The following UBE2Q2 variants were observed in gnomAD, a reference collection of about 807,000 sequenced individuals.
UBE2Q2 encodes the protein ubiquitin-conjugating enzyme E2 Q2.
A neutral mutation model predicts 59.9 loss-of-function variants in UBE2Q2; 54 were observed. That is an observed-to-expected ratio of 0.90 (90% CI 0.72 to 1.13). UBE2Q2 has a LOEUF of 1.13. Among genes scored for constraint, UBE2Q2 ranks in the 50% most tolerant of loss-of-function variants. The pLI is 0.00. For synonymous variants in UBE2Q2, 165 were observed against 155.2 expected (o/e 1.06, Z -0.47); for missense variants, 433 against 441.9 (o/e 0.98, Z 0.18).
intron 1 of UBE2Q2, among the ~76,000 whole-genome samples, chr15:75,846,904 A>G (rs1315834138): frequency 1.3e-5 from 2 of 152,110 alleles, no homozygotes; most frequent in Non-Finnish European, 2.9e-5. Context: ...AGGTTTCTGT[A>G]TCAGCTGTAT....
At chr15:75,880,236 C>T (rs1898328658) in intron 8 of UBE2Q2, among the ~76,000 whole-genome samples, 1 of 151,728 alleles carries the variant, frequency 6.6e-6, no homozygotes, top group South Asian at 2.1e-4. Context: ...CCTCAGCCTC[C>T]TGAGTAGCTG....
At chr15:75,852,206 C>A (rs761207828) in intron 1 of UBE2Q2, among the ~76,000 whole-genome samples, 1 of 152,068 alleles carries the variant, frequency 6.6e-6, no homozygotes, top group Non-Finnish European at 1.5e-5. Flanking sequence ...ATGAAACTGA[C>A]CTTTTGTTGC....
chr15:75,855,272 C>T lies in UBE2Q2; in HGVS notation c.282+785C>T, dbSNP rs2593279. 1.1e-3 allele frequency among the ~76,000 whole-genome samples: 175 copies of T among 152,260 alleles called. 1 individual carries two copies. The highest frequency in any genetic ancestry group is 3.9e-3 in the African/African-American group (164 of 41,538). On this transcript the variant is annotated intron_variant, in intron 2 of 12. Transcript: ENST00000267938. ...TTAGGAAGCTGAGGCGGGCGGATCA[C>T]TTGAGGCCAGGAGTTCGAGATCAGC...
intron 6 of UBE2Q2, among the ~76,000 whole-genome samples, chr15:75,877,159 CAAAAAAAAAAAA>C (rs59289858): frequency 1.5e-5 from 1 of 67,666 alleles, no homozygotes; most frequent in Non-Finnish European, 2.6e-5. Flanking sequence ...GAGACTCTGT[CAAAAAAAAAAAA>C]AAAAAAAAAA....
At chr15:75,852,609 TAAGTG>T (rs1368919855) in intron 1 of UBE2Q2, among the ~76,000 whole-genome samples, 1 of 152,234 alleles carries the variant, frequency 6.6e-6, no homozygotes, top group Non-Finnish European at 1.5e-5. Context: ...AATGAGATCC[TAAGTG>T]TAGTTGCAGT....
At chr15:75,864,771 T>A (rs1254802443) in intron 3 of UBE2Q2, among the ~76,000 whole-genome samples, 5 of 152,128 alleles carry the variant, frequency 3.3e-5, no homozygotes, top group Non-Finnish European at 7.3e-5. Context: ...TCTTTTAGTT[T>A]TATTTTTTAA....
intron 3 of UBE2Q2, among the ~76,000 whole-genome samples, chr15:75,862,267 C>T (rs1288780613): frequency 6.6e-6 from 1 of 152,112 alleles, no homozygotes; most frequent in Non-Finnish European, 1.5e-5. Context: ...GTTCTAAGAA[C>T]CTTTTCTTCG....
chr15:75,879,239 T>C, intron 8 of UBE2Q2, 51 bp downstream of exon 8: 1 of 1,140,664 alleles, frequency 8.8e-7, no homozygotes, highest in Non-Finnish European at 1.3e-6. Context: ...GTGCGTATAT[T>C]TGTACAAGTG....
intron 12 of UBE2Q2, among the ~76,000 whole-genome samples, chr15:75,897,364 G>T (rs531615600): frequency 6.6e-6 from 1 of 151,494 alleles, no homozygotes; most frequent in Non-Finnish European, 1.5e-5. Context: ...TCAGCCTCCC[G>T]AGTAGCTGGG....
intron 3 of UBE2Q2, among the ~76,000 whole-genome samples, chr15:75,863,357 C>G (rs997408311): frequency 6.6e-6 from 1 of 152,124 alleles, no homozygotes; most frequent in African/African-American, 2.4e-5. Flanking sequence ...TTATTCTTCA[C>G]CGTAATTCTA....
chr15:75,878,427 A>AC (rs112973023), intron 7 of UBE2Q2: 135,507 of 149,504 alleles, frequency 0.91, 61,436 homozygotes, highest in East Asian at 0.99. Context: ...CTTCATCTCT[A>AC]CAAAAAAAAA....
chr15:75,885,564 C>T (rs1259600797), intron 9 of UBE2Q2, among the ~76,000 whole-genome samples: 1 of 152,194 alleles, frequency 6.6e-6, no homozygotes, highest in Non-Finnish European at 1.5e-5. Flanking sequence ...ACGATAGCAT[C>T]TCAGAGGACG....
chr15:75,860,675 T>A (rs1251877675), intron 3 of UBE2Q2, among the ~76,000 whole-genome samples: 4 of 152,182 alleles, frequency 2.6e-5, no homozygotes, highest in African/African-American at 9.7e-5. Context: ...ATTTTTAATT[T>A]AAAAAATTCT....
chr15:75,876,300 T>G, intron 6 of UBE2Q2, 29 bp downstream of exon 6: 2 of 1,567,228 alleles, frequency 1.3e-6, no homozygotes, highest in Non-Finnish European at 1.8e-6. Flanking sequence ...CTGCTCTCTT[T>G]ATGATTCTTC....
At chr15:75,844,162 C>G (rs560695372) in intron 1 of UBE2Q2, 1 of 1,433,828 alleles carries the variant, frequency 7.0e-7, no homozygotes, top group Admixed American at 2.8e-5. Context: ...GGTCCATGGC[C>G]GCCCTCAGCC....
chr15:75,883,629 T>C lies in UBE2Q2; in HGVS notation c.884+205T>C, dbSNP rs550104969. Reference sequence around the variant, plus strand: ...GCATTTTTTTTTTTTCTTCTAAATATAGTGTGCACCAGAAACATTTGGAGA... The same window carrying C: ...GCATTTTTTTTTTTTCTTCTAAATACAGTGTGCACCAGAAACATTTGGAGA... On this transcript the variant is annotated intron_variant, in intron 9 of 12. Transcript: ENST00000267938. 6.6e-5 allele frequency among the ~76,000 whole-genome samples: 10 copies of C among 151,630 alleles called. No homozygotes were observed. The East Asian group carries it at 1.7e-3, about 26-fold the overall frequency.
intron 11 of UBE2Q2, among the ~76,000 whole-genome samples, chr15:75,894,786 T>G (rs1899303117): frequency 6.6e-6 from 1 of 152,114 alleles, no homozygotes; most frequent in Admixed American, 6.6e-5. Flanking sequence ...CTCCTTGTAT[T>G]CTGGGTGGTG....
chr15:75,868,116 T>G (rs1175332327), intron 3 of UBE2Q2, among the ~76,000 whole-genome samples: 1 of 152,200 alleles, frequency 6.6e-6, no homozygotes, highest in Non-Finnish European at 1.5e-5. Context: ...TCAGAGTGTC[T>G]AATAACAGAT....
intron 6 of UBE2Q2, 26 bp downstream of exon 6, chr15:75,876,297 C>G (rs1329056590): frequency 6.4e-7 from 1 of 1,563,458 alleles, no homozygotes; most frequent in East Asian, 2.3e-5. Context: ...TCCCTGCTCT[C>G]TTTATGATTC....
Sources: allele counts gnomAD v4.1 joint callset (sites outside exome capture counted in the v4.1 genomes callset), GRCh38; gene constraint gnomAD v4.1.1; transcripts MANE v1.5; gene names NCBI Gene and HGNC (gene_info 2026-07-23, HGNC 2026-07-21).